Variants in PATE1 observed in about 807,000 individuals in gnomAD.
PATE1 encodes prostate and testis expressed 1.
PATE1 carries 21 observed loss-of-function variants against 13.1 expected under a neutral mutation model. The ratio of observed to expected loss-of-function variants is 1.61; its 90% CI spans 1.14 to 2.31. The LOEUF (loss-of-function observed/expected upper bound fraction) is 2.31. Ranked by LOEUF, PATE1 falls within the 30% of genes most tolerant of loss-of-function variation. PATE1 has a pLI of 0.00. For synonymous variants in PATE1, 52 were observed against 47.1 expected, an observed-to-expected ratio of 1.10 and a Z score of -0.43; for missense variants, 166 against 147.2, an observed-to-expected ratio of 1.13 and a Z score of -0.66.
At chr11:125,746,396 T>A in intron 1 of PATE1, 40 bp downstream of exon 1, 1 of 1,602,356 alleles carries the variant, frequency 6.2e-7, no homozygotes, top group Non-Finnish European at 8.5e-7. Context: ...AGTCCTGAAT[T>A]TAGGAACAGG....
chr11:125,747,180 G>A (rs1943280059), intron 2 of PATE1, among the ~76,000 whole-genome samples, 196 bp from the exon 3 acceptor site: 2 of 152,160 alleles, frequency 1.3e-5, no homozygotes, highest in Admixed American at 1.3e-4. Context: ...GCCCCGAAGA[G>A]GTGAAGAGAT....
Position 125,749,449 on chromosome 11 carries a change from ATCAACCT to A in PATE1, c.*717_*723del, listed in dbSNP as rs1281688692. The A allele has an allele frequency of 2.0e-5, 3 of 152,328 alleles. No homozygotes were observed. Among genetic ancestry groups the A allele is most frequent in the African/African-American group, 7.2e-5 (3 of 41,464 alleles). The allele number at this position is 152,328 out of a possible 1,614,324, so 9.4% of individuals were successfully genotyped here. A position where few individuals can be genotyped will look rare whatever the true frequency, so the allele number is the denominator to read the frequency against. ...TTCCCTGCCAAACTCACAAGGAGAC[ATCAACCT>A]CTAGACAGGGAACAGCTTCAGGATA... On this transcript the variant is annotated 3_prime_UTR_variant, in exon 5 of 5. Transcript: ENST00000305738.
chr11:125,747,257 CT>C, intron 2 of PATE1, 118 bp from the exon 3 acceptor site: 1 of 861,926 alleles, frequency 1.2e-6, no homozygotes, highest in Non-Finnish European at 1.9e-6. Context: ...CAGAGTGGGC[CT>C]GGAATGGCTC....
Position 125,748,713 on chromosome 11 carries a change from C to T in PATE1, c.361C>T (p.Leu121=), listed in dbSNP as rs1274601994. 1.6e-5 allele frequency: 26 copies of T among 1,613,830 alleles called. No homozygotes were observed. Among genetic ancestry groups the T allele is most frequent in the Non-Finnish European group, 2.2e-5 (26 of 1,179,862 alleles). Residue 121 remains leucine, a synonymous_variant, in exon 5 of 5, where the codon CTG becomes TTG. Transcript: ENST00000305738. Reference sequence around the variant, plus strand: ...CTTCAGGTGCTGCAGGAGCCATGACCTGTGCAATGAAGACCTTTAGAAGTT... The same window carrying T: ...CTTCAGGTGCTGCAGGAGCCATGACTTGTGCAATGAAGACCTTTAGAAGTT... ...VNFRCCRSHD[L]CNEDL
Position 125,748,503 on chromosome 11 carries a change from C to T in PATE1, c.248-97C>T, listed in dbSNP as rs1316403347. On this transcript the variant is annotated intron_variant, in intron 4 of 4. Transcript: ENST00000305738. ...TTGAATAACGGAGCTTTGAACTACACAAGATTATTTCTATATGTTGGTGTG... is the reference window on the plus strand; with the variant it reads ...TTGAATAACGGAGCTTTGAACTACATAAGATTATTTCTATATGTTGGTGTG... 7.1e-6 allele frequency: 10 copies of T among 1,403,162 alleles called. No homozygotes were observed. The Admixed American group carries it at 2.1e-4, about 30-fold the overall frequency. 86.9% of individuals were successfully genotyped at this position (1,403,162 alleles called of 1,614,324 possible). A position where few individuals can be genotyped will look rare whatever the true frequency, so the allele number is the denominator to read the frequency against.
At position 125,748,777 on chromosome 11, in the gene PATE1, T is replaced by C. The variant is rs746760967; in HGVS notation, c.*44T>C. The stretch of plus-strand genomic sequence containing the variant: ...TGACTCCAATTTCTGGGTGAGGTTG[T>C]TGCCTCAGCCTCTTCACAATGACTT... On this transcript the variant is annotated 3_prime_UTR_variant, in exon 5 of 5. Transcript: ENST00000305738. 4.4e-6 allele frequency: 7 copies of C among 1,605,062 alleles called. No homozygotes were observed. Among genetic ancestry groups the C allele is most frequent in the Non-Finnish European group, 6.0e-6 (7 of 1,175,142 alleles).
At position 125,748,974 on chromosome 11, in the gene PATE1, C is replaced by G. The variant is rs1160333563; in HGVS notation, c.*241C>G. On this transcript the variant is annotated 3_prime_UTR_variant, in exon 5 of 5. Transcript: ENST00000305738. ...AGAGAAAGAACAAGATCAATATATC[C>G]TGCAGGTTGCTACAAACCCTTGTGC... 1 of 422,306 alleles carries G rather than the reference C, an allele frequency of 2.4e-6. No homozygotes were observed. The highest frequency in any genetic ancestry group is 4.1e-6 in the Non-Finnish European group (1 of 242,408). 26.2% of individuals were successfully genotyped at this position (422,306 alleles called of 1,614,324 possible).
At chr11:125,748,528 GGTCTGGAGAAAA>G (rs778448627) in intron 4 of PATE1, 60 bp from the exon 5 acceptor site, 205 of 1,527,442 alleles carry the variant, frequency 1.3e-4, no homozygotes, top group Non-Finnish European at 1.7e-4. Flanking sequence ...ATGTTGGTGT[GGTCTGGAGAAAA>G]GTTTTTTAGC....
At chr11:125,747,634 G>A (rs1943285069) in intron 3 of PATE1, 66 bp from the exon 4 acceptor site, 2 of 1,598,586 alleles carry the variant, frequency 1.3e-6, no homozygotes, top group Non-Finnish European at 1.7e-6. Context: ...AACCCAAAAG[G>A]GGAGAGGGGT....
chr11:125,746,665 A>G lies in PATE1; in HGVS notation c.57A>G (p.Leu19=). 6.2e-7 allele frequency: 1 copy of G among 1,613,792 alleles called. No individual in the cohort carries two copies. The highest frequency in any genetic ancestry group is 8.5e-7 in the Non-Finnish European group (1 of 1,179,820). Reference sequence around the variant, plus strand: ...ATCTCTTTTTTTTTCCAACAGCATTATCTGGATCACTTTCAATGAGAAATG... The same window carrying G: ...ATCTCTTTTTTTTTCCAACAGCATTGTCTGGATCACTTTCAATGAGAAATG... ...LPILLCCFRA[L]SGSLSMRNDA... The change falls in exon 2 of 5, where the codon TTA becomes TTG. Residue 19 remains leucine, a synonymous_variant. Transcript: ENST00000305738.
chr11:125,746,807 T>G, intron 2 of PATE1, 111 bp downstream of exon 2: 2 of 1,105,210 alleles, frequency 1.8e-6, no homozygotes, highest in Non-Finnish European at 2.8e-6. Flanking sequence ...GAATAGACCT[T>G]GAGTTCCAAC....
In PATE1 at chr11:125,746,645, T is replaced by C; in HGVS notation, c.53-16T>C. 1 of 1,601,354 alleles carries C rather than the reference T, an allele frequency of 6.2e-7. No homozygotes were observed. Among genetic ancestry groups the C allele is most frequent in the Middle Eastern group, 1.7e-4 (1 of 6,038 alleles). Reference sequence around the variant, plus strand: ...ATGAGGTCTGCAGACAGTGTATCTCTTTTTTTTTCCAACAGCATTATCTGG... The same window carrying C: ...ATGAGGTCTGCAGACAGTGTATCTCCTTTTTTTTCCAACAGCATTATCTGG... On this transcript the variant is annotated splice_polypyrimidine_tract_variant and intron_variant, in intron 1 of 4. Coordinates refer to ENST00000305738, the MANE Select transcript of PATE1 (RefSeq NM_138294.3).
At position 125,748,857 on chromosome 11, in the gene PATE1, C is replaced by T. The variant is rs1476616690; in HGVS notation, c.*124C>T. On this transcript the variant is annotated 3_prime_UTR_variant, in exon 5 of 5. Transcript: ENST00000305738. ...ACACTACAGAAGAGGATTGCAAACA[C>T]ATGGCTCCATCTTCTGCACACGAAA... 1.6e-6 allele frequency: 2 copies of T among 1,226,248 alleles called. No individual in the cohort carries two copies. The highest frequency in any genetic ancestry group is 2.2e-6 in the Non-Finnish European group (2 of 893,308). 76.0% of individuals were successfully genotyped at this position (1,226,248 alleles called of 1,614,324 possible). A position where few individuals can be genotyped will look rare whatever the true frequency, so the allele number is the denominator to read the frequency against.
At chr11:125,747,247 C>G in intron 2 of PATE1, 129 bp from the exon 3 acceptor site, 1 of 764,116 alleles carries the variant, frequency 1.3e-6, no homozygotes, top group Non-Finnish European at 2.2e-6. Flanking sequence ...ATTAGGGGGA[C>G]AGAGTGGGCC....
intron 4 of PATE1, chr11:125,748,164 T>A (rs1172660362): frequency 3.0e-6 from 1 of 331,036 alleles, no homozygotes; most frequent in Non-Finnish European, 5.6e-6. Flanking sequence ...CTGTCTGGGC[T>A]TCCTTACGGA....
Position 125,747,775 on chromosome 11 carries a change from G to A in PATE1, c.200G>A (p.Cys67Tyr). The A allele has an allele frequency of 6.2e-7, 1 of 1,613,970 alleles. No individual in the cohort carries two copies. The highest frequency in any genetic ancestry group is 1.1e-5 in the South Asian group (1 of 91,080). ...GEKCSRGRGI[C>Y]TATTEEACMV... ...AAGTGCTCCAGAGGAAGAGGAATAT[G>A]CACAGCAACAACAGAAGAGGCCTGC... The change falls in exon 4 of 5, where the codon TGC (cysteine) becomes TAC (tyrosine). Residue 67 changes from cysteine (C) to tyrosine (Y), a missense_variant. Physicochemically the swap from Cys to Tyr is radical, Grantham distance 194 (BLOSUM62 -2). Transcript: ENST00000305738.
chr11:125,748,093 T>A, intron 4 of PATE1: 1 of 441,764 alleles, frequency 2.3e-6, no homozygotes, highest in East Asian at 4.5e-5. Context: ...ATAGGTGTAA[T>A]CTATGCCCAA....
At position 125,747,456 on chromosome 11, in the gene PATE1, G is replaced by A. The variant is rs1430317620; in HGVS notation, c.124+45G>A. ...GTCTGATCACCTCAGTCTTGATAAT[G>A]TTTCACTTTTCCTTATTCCTCCACC... On this transcript the variant is annotated intron_variant, in intron 3 of 4. Coordinates refer to ENST00000305738, the MANE Select transcript of PATE1 (RefSeq NM_138294.3). The A allele has an allele frequency of 4.5e-6, 7 of 1,562,858 alleles. No homozygotes were observed. The Admixed American group carries it at 7.0e-5, about 16-fold the overall frequency.
chr11:125,748,827 C>A lies in PATE1; in HGVS notation c.*94C>A, dbSNP rs1591457125. The A allele has an allele frequency of 3.5e-6, 5 of 1,432,662 alleles. No homozygotes were observed. The East Asian group carries it at 1.2e-4, about 33-fold the overall frequency. The allele number at this position is 1,432,662 out of a possible 1,614,324, so 88.7% of individuals were successfully genotyped here. A position where few individuals can be genotyped will look rare whatever the true frequency, so the allele number is the denominator to read the frequency against. On this transcript the variant is annotated 3_prime_UTR_variant, in exon 5 of 5. Coordinates refer to ENST00000305738, the MANE Select transcript of PATE1 (RefSeq NM_138294.3). ...TTCTAAAAAAAATCACACACACACA[C>A]ACACACACTACAGAAGAGGATTGCA...
Sources: allele counts gnomAD v4.1 joint callset (sites outside exome capture counted in the v4.1 genomes callset), GRCh38; gene constraint gnomAD v4.1.1; transcripts MANE v1.5; gene names NCBI Gene and HGNC (gene_info 2026-07-23, HGNC 2026-07-21).